Variants in UNC5C observed in about 807,000 individuals in gnomAD.
UNC5C encodes netrin receptor UNC5C.
UNC5C carries 47 observed loss-of-function variants against 99.8 expected under a neutral mutation model. The ratio of observed to expected loss-of-function variants is 0.47; its 90% CI spans 0.37 to 0.60. The LOEUF is 0.60. UNC5C is among the 20% of genes least tolerant of loss of function. The pLI is 0.00. For synonymous variants in UNC5C, 487 were observed against 452.2 expected, an observed-to-expected ratio of 1.08 and a Z score of -0.98; for missense variants, 1,062 against 1,165.9, an observed-to-expected ratio of 0.91 and a Z score of 1.30.
chr4:95,232,242 A>T (rs1338773620), intron 7 of UNC5C, among the ~76,000 whole-genome samples: 1 of 150,352 alleles, frequency 6.7e-6, no homozygotes, highest in Non-Finnish European at 1.5e-5. Context: ...TATATTACAT[A>T]AACTATATTA....
intron 14 of UNC5C, among the ~76,000 whole-genome samples, chr4:95,177,071 G>A (rs374641995): frequency 7.2e-5 from 11 of 152,144 alleles, no homozygotes; most frequent in Non-Finnish European, 1.2e-4. Flanking sequence ...TGCACTTCCC[G>A]AGTGAGGCAA....
intron 1 of UNC5C, among the ~76,000 whole-genome samples, chr4:95,363,126 G>T (rs896708344): frequency 6.6e-6 from 1 of 152,012 alleles, no homozygotes; most frequent in Non-Finnish European, 1.5e-5. Context: ...CACCATAACG[G>T]TTCTTCTTGG....
At chr4:95,369,777 A>G (rs1744690571) in intron 1 of UNC5C, among the ~76,000 whole-genome samples, 1 of 152,190 alleles carries the variant, frequency 6.6e-6, no homozygotes, top group Non-Finnish European at 1.5e-5. Context: ...AGCAACAAAG[A>G]AAGTTTCGAC....
chr4:95,411,958 C>T (rs1046442911), intron 1 of UNC5C, among the ~76,000 whole-genome samples: 17 of 151,982 alleles, frequency 1.1e-4, no homozygotes, highest in Non-Finnish European at 2.4e-4. Flanking sequence ...CTCTCTCCCA[C>T]CACTTCTCCA....
chr4:95,399,054 A>G (rs1403115932), intron 1 of UNC5C, among the ~76,000 whole-genome samples: 6 of 152,204 alleles, frequency 3.9e-5, no homozygotes. Context: ...AGGTCAGTTT[A>G]CTTTAAACTT....
At chr4:95,304,710 C>T (rs1473728644) in intron 2 of UNC5C, among the ~76,000 whole-genome samples, 1 of 152,122 alleles carries the variant, frequency 6.6e-6, no homozygotes, top group African/African-American at 2.4e-5. Flanking sequence ...TTACAGTCAC[C>T]AAAGGGCTGA....
At chr4:95,245,194 A>G in intron 5 of UNC5C, 50 bp from the exon 6 acceptor site, 1 of 1,543,414 alleles carries the variant, frequency 6.5e-7, no homozygotes, top group South Asian at 1.2e-5. Context: ...GTGCATGCAC[A>G]ACACACATGG....
intron 4 of UNC5C, among the ~76,000 whole-genome samples, chr4:95,258,415 T>G (rs1740087080): frequency 6.6e-6 from 1 of 152,212 alleles, no homozygotes. Flanking sequence ...AGAAATTATT[T>G]TTAGTTACAT....
intron 1 of UNC5C, among the ~76,000 whole-genome samples, chr4:95,372,070 A>G (rs1452303716): frequency 1.3e-5 from 2 of 152,116 alleles, no homozygotes; most frequent in Non-Finnish European, 2.9e-5. Context: ...CTATCACATA[A>G]TTGTGTAAAA....
chr4:95,215,533 C>T (rs558786717), intron 10 of UNC5C, among the ~76,000 whole-genome samples: 3 of 152,172 alleles, frequency 2.0e-5, no homozygotes, highest in African/African-American at 2.4e-5. Flanking sequence ...GATTATGAAA[C>T]ATTCTAAACA....
At chr4:95,270,867 G>GC (rs1740634569) in intron 4 of UNC5C, among the ~76,000 whole-genome samples, 1 of 152,176 alleles carries the variant, frequency 6.6e-6, no homozygotes, top group Admixed American at 6.5e-5. Context: ...TTCCTAACCA[G>GC]TTTTTACTAT....
At chr4:95,179,228 A>AAAC (rs879916949) in intron 14 of UNC5C, among the ~76,000 whole-genome samples, 1 of 152,218 alleles carries the variant, frequency 6.6e-6, no homozygotes, top group Admixed American at 6.5e-5. Flanking sequence ...TCGCTTAGAA[A>AAAC]AACTAGATTT....
intron 1 of UNC5C, among the ~76,000 whole-genome samples, chr4:95,356,228 A>C (rs868299736): frequency 8.1e-5 from 12 of 147,924 alleles, no homozygotes; most frequent in South Asian, 6.4e-4. Context: ...CAAAAAAAAA[A>C]CAGATTCCTC....
intron 1 of UNC5C, among the ~76,000 whole-genome samples, chr4:95,480,400 A>T (rs1157923428): frequency 6.6e-6 from 1 of 151,924 alleles, no homozygotes; most frequent in Non-Finnish European, 1.5e-5. Flanking sequence ...TTGTCTAAAA[A>T]TACTAGTTGT....
intron 8 of UNC5C, among the ~76,000 whole-genome samples, chr4:95,219,703 A>C (rs1338014409): frequency 6.6e-6 from 1 of 152,196 alleles, no homozygotes; most frequent in Admixed American, 6.5e-5. Flanking sequence ...AAAGGAAGTT[A>C]AAAAAAGAGA....
At chr4:95,423,236 A>G (rs1746370537) in intron 1 of UNC5C, among the ~76,000 whole-genome samples, 1 of 152,178 alleles carries the variant, frequency 6.6e-6, no homozygotes, top group Non-Finnish European at 1.5e-5. Context: ...GAATTGGAGG[A>G]CATAAAACTG....
intron 1 of UNC5C, among the ~76,000 whole-genome samples, chr4:95,350,458 G>T (rs894060111): frequency 3.3e-5 from 5 of 149,810 alleles, no homozygotes. Context: ...CTACATTCCA[G>T]CCTGGTAACA....
intron 3 of UNC5C, among the ~76,000 whole-genome samples, chr4:95,295,984 G>A (rs867197408): frequency 3.3e-5 from 5 of 152,302 alleles, no homozygotes; most frequent in Middle Eastern, 3.4e-3. Flanking sequence ...TACATGGGGG[G>A]GAGGCTGAGG....
chr4:95,333,928 A>T lies in UNC5C; in HGVS notation c.346+1482T>A, dbSNP rs375528883. 3.9e-4 allele frequency among the ~76,000 whole-genome samples: 59 copies of T among 152,160 alleles called. No individual in the cohort carries two copies. The Middle Eastern group carries it at 0.01, about 26-fold the overall frequency. On this transcript the variant is annotated intron_variant, in intron 2 of 15. Transcript: ENST00000453304. The stretch of plus-strand genomic sequence containing the variant: ...ACTCAATCCACTTGAGATTTTGAAG[A>T]CATCTGGTGGAGTTATTTTCTGAGT...
Sources: gnomAD v4.1 joint callset for allele counts (sites outside exome capture counted in the v4.1 genomes callset) on GRCh38, gnomAD v4.1.1 for gene constraint, MANE v1.5 for transcripts, NCBI Gene and HGNC (gene_info 2026-07-23, HGNC 2026-07-21) for gene names.